LEMD1: variants seen among roughly 807,000 people sequenced by gnomAD.
LEMD1 encodes the protein LEM domain containing 1, also known as LEM domain-containing protein 1.
LEMD1 carries 18 observed loss-of-function variants against 17.4 expected under a neutral mutation model. The ratio of observed to expected loss-of-function variants is 1.04; its 90% CI spans 0.72 to 1.54. LEMD1 has a LOEUF of 1.54. LEMD1 is among the 40% of genes most tolerant of loss of function. The pLI, the probability that LEMD1 is intolerant of heterozygous loss-of-function variation, is 0.00. For missense variants in LEMD1, 195 were observed against 210.4 expected (o/e 0.93, Z 0.45); for synonymous variants, 88 against 77.8 (o/e 1.13, Z -0.69).
chr1:205,446,965 C>T (rs1375331640), intron 1 of LEMD1, among the ~76,000 whole-genome samples: 1 of 152,194 alleles, frequency 6.6e-6, no homozygotes, highest in East Asian at 1.9e-4. Flanking sequence ...AAAAGGAAAA[C>T]CAGTGATGGA....
chr1:205,411,096 GAAA>G (rs1301624498), intron 4 of LEMD1, among the ~76,000 whole-genome samples: 2 of 124,054 alleles, frequency 1.6e-5, no homozygotes, highest in East Asian at 2.7e-4. Context: ...AAAGAAGAAA[GAAA>G]AAAGAAAGAA....
rs1156609065 is a variant in LEMD1 at position 205,441,508 on chromosome 1, C to T, written c.-39+8360G>A. On this transcript the variant is annotated intron_variant, in intron 1 of 3. Coordinates refer to the LEMD1 transcript ENST00000367154. This position sits in a 1 kb window ranked among gnomAD's most constrained non-coding sequence, Gnocchi z 4.3. ...TCTGCAGGTTGCACACACGACAGGC[C>T]CTCCTCCATCCAAATGCGGACCCCT... is the stretch of plus-strand genomic sequence containing the variant. Among the ~76,000 whole-genome samples the T allele has an allele frequency of 2.6e-5, 4 of 152,156 alleles. No homozygotes were observed. Among genetic ancestry groups the T allele is most frequent in the Non-Finnish European group, 5.9e-5 (4 of 68,020 alleles).
intron 1 of LEMD1, among the ~76,000 whole-genome samples, chr1:205,427,708 G>C (rs1468603545): frequency 6.6e-6 from 1 of 152,152 alleles, no homozygotes; most frequent in Non-Finnish European, 1.5e-5. Context: ...GCAGGGATCT[G>C]AAGACAGTCA....
intron 4 of LEMD1, among the ~76,000 whole-genome samples, chr1:205,407,589 C>T (rs370820934): frequency 2.0e-5 from 3 of 152,180 alleles, no homozygotes; most frequent in East Asian, 3.8e-4. Context: ...GACCTTGCCC[C>T]CTGCATCTCT....
At chr1:205,404,121 G>A (rs140282280) in intron 4 of LEMD1, among the ~76,000 whole-genome samples, 46,615 of 151,564 alleles carry the variant, frequency 0.31, 7,517 homozygotes, top group African/African-American at 0.38. Flanking sequence ...TTTACTTCCA[G>A]CTATGTGGTC....
chr1:205,416,279 G>C lies in LEMD1; in HGVS notation c.223C>G (p.Gln75Glu). The change falls in exon 4 of 6, where the codon CAA (glutamine) becomes GAA (glutamate). Residue 75 changes from glutamine (Q) to glutamate (E), a missense_variant. Gln to Glu is a conservative substitution (Grantham distance 29). Transcript: ENST00000367153. ...DDSEELNIILQGNIILSTEKS... is the reference protein window; with the variant it reads ...DDSEELNIILEGNIILSTEKS... ...TCTGTTGAGAGTATGATATTTCCTT[G>C]CAAAATGATATTAAGCTCTGGATCA... is the stretch of plus-strand genomic sequence containing the variant. 1.9e-6 allele frequency: 3 copies of C among 1,548,052 alleles called. No homozygotes were observed. Among genetic ancestry groups the C allele is most frequent in the Non-Finnish European group, 2.6e-6 (3 of 1,145,254 alleles).
chr1:205,434,488 T>G (rs892392689), intron 1 of LEMD1, among the ~76,000 whole-genome samples: 1 of 152,040 alleles, frequency 6.6e-6, no homozygotes, highest in East Asian at 1.9e-4. Context: ...TGGCTCTTTC[T>G]CTTTCTTAAA....
At chr1:205,389,452 G>A (rs1217567466) in intron 4 of LEMD1, among the ~76,000 whole-genome samples, 2 of 152,164 alleles carry the variant, frequency 1.3e-5, no homozygotes, top group African/African-American at 4.8e-5. Flanking sequence ...TATATTTACC[G>A]TGTAGGCTTG....
intron 1 of LEMD1, chr1:205,435,419 A>G (rs6593941): frequency 0.69 from 104,742 of 152,054 alleles, 37,458 homozygotes; most frequent in East Asian, 0.92. Flanking sequence ...AAATGTGGCC[A>G]TCTTGAGTAG....
chr1:205,394,219 G>T (rs1664479094), intron 4 of LEMD1, among the ~76,000 whole-genome samples: 2 of 151,656 alleles, frequency 1.3e-5, no homozygotes, highest in Admixed American at 1.3e-4. Context: ...TGGGGTGGGG[G>T]GTAGAGCGAC....
intron 1 of LEMD1, among the ~76,000 whole-genome samples, chr1:205,438,373 G>A (rs1666240063): frequency 6.6e-6 from 1 of 152,220 alleles, no homozygotes; most frequent in Admixed American, 6.5e-5. Context: ...GAGAGGATGG[G>A]AAGGCAGGGC....
intron 4 of LEMD1, among the ~76,000 whole-genome samples, chr1:205,400,541 A>T (rs76354471): frequency 0.014 from 2,057 of 152,254 alleles, 52 homozygotes; most frequent in African/African-American, 0.047. Context: ...GACAAATCCA[A>T]TTTGAGGTTC....
At chr1:205,425,601 C>T (rs1016700972), upstream of LEMD1, among the ~76,000 whole-genome samples, 3 of 152,168 alleles carry the variant, frequency 2.0e-5, no homozygotes, top group Admixed American at 6.5e-5. Flanking sequence ...GATGAGGAAA[C>T]GAGTGAGCCC....
intron 4 of LEMD1, among the ~76,000 whole-genome samples, chr1:205,388,937 A>G (rs2102347586): frequency 6.6e-6 from 1 of 151,922 alleles, no homozygotes; most frequent in Non-Finnish European, 1.5e-5. Flanking sequence ...ACTGTATCAC[A>G]TTACAGTTAA....
At chr1:205,427,242 C>T (rs1666069399) in intron 1 of LEMD1, among the ~76,000 whole-genome samples, 1 of 151,838 alleles carries the variant, frequency 6.6e-6, no homozygotes. Flanking sequence ...ACACTGTTTT[C>T]TTTAAGTGCT....
chr1:205,421,424 C>A, intron 1 of LEMD1, among the ~76,000 whole-genome samples: 1 of 152,204 alleles, frequency 6.6e-6, no homozygotes, highest in East Asian at 1.9e-4. Flanking sequence ...GCAGTGGAAA[C>A]AACAGCCAGA....
intron 4 of LEMD1, among the ~76,000 whole-genome samples, chr1:205,395,594 C>CAAAAAAAAAAAAAAAAAAAAAAAAAAA (rs11365761): frequency 7.7e-6 from 1 of 129,232 alleles, no homozygotes; most frequent in African/African-American, 2.8e-5. Context: ...AATTCTGTCT[C>CAAAAAAAAAAAAAAAAAAAAAAAAAAA]AAAAAAAAAA....
intron 4 of LEMD1, among the ~76,000 whole-genome samples, chr1:205,414,330 C>G (rs1665591054): frequency 6.6e-6 from 1 of 151,942 alleles, no homozygotes; most frequent in Admixed American, 6.6e-5. Context: ...TGCCTGTAAT[C>G]CCAGTGCTTT....
At chr1:205,435,520 C>T (rs1575005536) in intron 1 of LEMD1, 1 of 152,126 alleles carries the variant, frequency 6.6e-6, no homozygotes, top group South Asian at 2.1e-4. Flanking sequence ...GCCATTTGTT[C>T]CGGTTCTTTG....
Sources: gnomAD v4.1 joint callset for allele counts (sites outside exome capture counted in the v4.1 genomes callset) on GRCh38, gnomAD v4.1.1 for gene constraint, Gnocchi (gnomAD v3.1) non-coding constraint, MANE v1.5 for transcripts, NCBI Gene and HGNC (gene_info 2026-07-23, HGNC 2026-07-21) for gene names.